Variants in TCF12 observed in about 807,000 individuals in gnomAD.
The protein encoded by TCF12 is transcription factor 12, also known as DNA-binding protein HTF4.
In TCF12, 45 loss-of-function variants were observed where a neutral mutation model predicts 86.0. That is an observed-to-expected ratio of 0.52 (90% CI 0.41 to 0.67). TCF12 has a LOEUF of 0.67. TCF12 is among the 30% of genes least tolerant of loss of function. The pLI, the probability that TCF12 is intolerant of heterozygous loss-of-function variation, is 0.00. For missense variants in TCF12, 881 were observed against 859.9 expected, an observed-to-expected ratio of 1.02 and a Z score of -0.31; for synonymous variants, 330 against 299.6, an observed-to-expected ratio of 1.10 and a Z score of -1.05.
At chr15:57,073,073 T>G (rs1596390506) in intron 4 of TCF12, among the ~76,000 whole-genome samples, 1 of 152,336 alleles carries the variant, frequency 6.6e-6, no homozygotes. Context: ...TTTTTCAGAC[T>G]AGCCTTTCTT....
intron 5 of TCF12, among the ~76,000 whole-genome samples, chr15:57,108,327 C>G (rs562292042): frequency 1.3e-5 from 2 of 151,990 alleles, no homozygotes; most frequent in African/African-American, 4.8e-5. Context: ...TTCTTCTCCC[C>G]GTACCCCCAA....
At chr15:57,265,577 ATTGT>A (rs1158542629) in intron 18 of TCF12, among the ~76,000 whole-genome samples, 1 of 152,074 alleles carries the variant, frequency 6.6e-6, no homozygotes, top group East Asian at 1.9e-4. Flanking sequence ...CATTTATTTC[ATTGT>A]TTAATATTAG....
At chr15:56,948,287 A>G (rs903248590) in intron 3 of TCF12, among the ~76,000 whole-genome samples, 2 of 151,488 alleles carry the variant, frequency 1.3e-5, no homozygotes, top group African/African-American at 4.8e-5. Flanking sequence ...ATGATGGTGC[A>G]GTGTACAATG....
chr15:57,160,472 G>A (rs532961657), intron 5 of TCF12, among the ~76,000 whole-genome samples: 1 of 152,286 alleles, frequency 6.6e-6, no homozygotes, highest in Admixed American at 6.5e-5. Flanking sequence ...AGTTCTAGAT[G>A]AGATTTGGGT....
intron 4 of TCF12, among the ~76,000 whole-genome samples, chr15:57,083,680 G>T (rs964751691): frequency 1.3e-5 from 2 of 152,112 alleles, no homozygotes; most frequent in Non-Finnish European, 2.9e-5. Context: ...CAACTCCTGG[G>T]CTCAAGGGAT....
At chr15:57,134,926 T>G (rs1329150024) in intron 5 of TCF12, among the ~76,000 whole-genome samples, 1 of 151,630 alleles carries the variant, frequency 6.6e-6, no homozygotes, top group African/African-American at 2.4e-5. Flanking sequence ...CCCACATTCC[T>G]CCTCCTTTTC....
intron 3 of TCF12, among the ~76,000 whole-genome samples, chr15:57,062,597 C>T (rs2068544142): frequency 6.6e-6 from 1 of 152,112 alleles, no homozygotes; most frequent in South Asian, 2.1e-4. Flanking sequence ...TGTTACCCAT[C>T]CTTTCAATTT....
At chr15:57,178,933 T>G (rs1179327688) in intron 6 of TCF12, among the ~76,000 whole-genome samples, 2 of 152,208 alleles carry the variant, frequency 1.3e-5, no homozygotes, top group South Asian at 2.1e-4. Flanking sequence ...TCTCTTCATA[T>G]TTCTTTTATT....
intron 5 of TCF12, among the ~76,000 whole-genome samples, chr15:57,136,069 A>G (rs534834287): frequency 2.6e-5 from 4 of 152,214 alleles, no homozygotes; most frequent in Non-Finnish European, 5.9e-5. Flanking sequence ...TATGTCATCA[A>G]TTAAATTATG....
At position 57,253,426 on chromosome 15, in the gene TCF12, T is replaced by C; in HGVS notation, c.1425T>C (p.Tyr475=). 3 of 1,614,086 alleles carry C rather than the reference T, an allele frequency of 1.9e-6. No homozygotes were observed. Among genetic ancestry groups the C allele is most frequent in the Admixed American group, 3.3e-5 (2 of 60,014 alleles). The part of the protein sequence containing the change: ...NAPIGSLNSN[Y]GGSSLVASSR... Reference sequence around the variant, plus strand: ...CAATTGGAAGCCTCAATTCAAACTATGGAGGATCAAGCCTTGTTGCAAGCA... The same window carrying C: ...CAATTGGAAGCCTCAATTCAAACTACGGAGGATCAAGCCTTGTTGCAAGCA... Residue 475 remains tyrosine, a synonymous_variant, in exon 16 of 21, where the codon TAT becomes TAC. Coordinates refer to ENST00000333725, the MANE Select transcript of TCF12 (RefSeq NM_207037.2).
At chr15:57,226,536 A>G (rs1347927498) in intron 8 of TCF12, among the ~76,000 whole-genome samples, 1 of 152,176 alleles carries the variant, frequency 6.6e-6, no homozygotes, top group Non-Finnish European at 1.5e-5. Context: ...CTGCTATTCA[A>G]ACCATCTTGA....
At chr15:56,986,382 T>A (rs2063179784) in intron 3 of TCF12, among the ~76,000 whole-genome samples, 1 of 152,172 alleles carries the variant, frequency 6.6e-6, no homozygotes, top group South Asian at 2.1e-4. Flanking sequence ...CTTTTTGAAA[T>A]AAAACTTTAC....
At chr15:57,056,752 C>A (rs2068062695) in intron 3 of TCF12, among the ~76,000 whole-genome samples, 1 of 152,032 alleles carries the variant, frequency 6.6e-6, no homozygotes, top group Non-Finnish European at 1.5e-5. Flanking sequence ...AGACACCACA[C>A]CTGGCTTAAT....
intron 18 of TCF12, among the ~76,000 whole-genome samples, chr15:57,268,243 AT>A (rs1246986969): frequency 1.3e-5 from 2 of 152,090 alleles, no homozygotes; most frequent in African/African-American, 4.8e-5. Context: ...GGAAAGCTGT[AT>A]TTTTCAAGTG....
intron 3 of TCF12, among the ~76,000 whole-genome samples, chr15:57,042,626 C>G (rs1481164630): frequency 2.0e-5 from 3 of 152,072 alleles, no homozygotes; most frequent in Admixed American, 2.0e-4. Context: ...GTTGCCCAAG[C>G]TGGTCTCGAA....
chr15:57,004,585 A>G (rs1270607935), intron 3 of TCF12, among the ~76,000 whole-genome samples: 3 of 151,726 alleles, frequency 2.0e-5, no homozygotes, highest in Non-Finnish European at 4.4e-5. Context: ...ATTTTTTTGT[A>G]TTTTTAGTAG....
At chr15:57,026,577 A>T (rs935113138) in intron 3 of TCF12, among the ~76,000 whole-genome samples, 1 of 152,240 alleles carries the variant, frequency 6.6e-6, no homozygotes, top group African/African-American at 2.4e-5. Context: ...AGGGAAAAAC[A>T]TTCAACTCAG....
intron 5 of TCF12, among the ~76,000 whole-genome samples, chr15:57,130,352 T>C (rs780092848): frequency 2.6e-5 from 4 of 152,240 alleles, no homozygotes; most frequent in African/African-American, 7.2e-5. Flanking sequence ...TTGATTTTTT[T>C]TTTGTGGATT....
chr15:57,037,202 A>G (rs1012924650), intron 3 of TCF12, among the ~76,000 whole-genome samples: 2 of 152,174 alleles, frequency 1.3e-5, no homozygotes, highest in Non-Finnish European at 2.9e-5. Context: ...TAATCCCAGC[A>G]CTTTGGGAGG....
Sources: allele counts gnomAD v4.1 joint callset (sites outside exome capture counted in the v4.1 genomes callset), GRCh38; gene constraint gnomAD v4.1.1; transcripts MANE v1.5; gene names NCBI Gene and HGNC (gene_info 2026-07-23, HGNC 2026-07-21).